Variants in RAD51B observed in about 807,000 individuals in gnomAD.
The protein encoded by RAD51B is DNA repair protein RAD51 homolog 2.
A neutral mutation model predicts 42.2 loss-of-function variants in RAD51B; 38 were observed. The ratio of observed to expected loss-of-function variants is 0.90; its 90% confidence interval spans 0.70 to 1.18. The LOEUF (loss-of-function observed/expected upper bound fraction) is 1.18, where lower values mean the gene tolerates loss of function less well. RAD51B is among the 50% of genes most tolerant of loss of function. The pLI is 0.00. For missense variants in RAD51B, 373 were observed against 400.7 expected (o/e 0.93, Z 0.59); for synonymous variants, 154 against 145.2 (o/e 1.06, Z -0.43).
chr14:68,388,094 A>ATATTT (rs1483952338), intron 8 of RAD51B, among the ~76,000 whole-genome samples: 9 of 118,932 alleles, frequency 7.6e-5, no homozygotes, highest in East Asian at 2.3e-4. Context: ...ATATATATAT[A>ATATTT]TTTTTTTTTT....
At chr14:67,885,699 G>C in intron 5 of RAD51B, 170 bp from the exon 6 acceptor site, 1 of 748,336 alleles carries the variant, frequency 1.3e-6, no homozygotes, top group Non-Finnish European at 1.9e-6. Context: ...ACCTCTGTTA[G>C]TGCTTACAAA....
intron 8 of RAD51B, among the ~76,000 whole-genome samples, chr14:68,296,647 G>A (rs2081619362): frequency 1.3e-5 from 2 of 152,182 alleles, no homozygotes; most frequent in African/African-American, 4.8e-5. Context: ...TTTGACAAAT[G>A]GTAACAGTGA....
chr14:68,278,426 C>G (rs1000469057), intron 7 of RAD51B, among the ~76,000 whole-genome samples: 1 of 152,160 alleles, frequency 6.6e-6, no homozygotes, highest in African/African-American at 2.4e-5. Context: ...CATGGTGTTA[C>G]GATGAGGATG....
chr14:68,601,748 T>TCC (rs999410330), intron 10 of RAD51B, among the ~76,000 whole-genome samples: 2 of 152,044 alleles, frequency 1.3e-5, no homozygotes, highest in African/African-American at 4.8e-5. Flanking sequence ...GCCCACTACC[T>TCC]CCCCTCCCTC....
chr14:68,629,878 C>T (rs548426413), intron 10 of RAD51B, among the ~76,000 whole-genome samples: 2 of 152,366 alleles, frequency 1.3e-5, no homozygotes, highest in East Asian at 3.9e-4. Context: ...CATAGACCAA[C>T]AGTCTAACTT....
At chr14:68,173,650 A>T (rs1293168064) in intron 7 of RAD51B, among the ~76,000 whole-genome samples, 1 of 152,182 alleles carries the variant, frequency 6.6e-6, no homozygotes, top group East Asian at 1.9e-4. Flanking sequence ...TCCTCAGTAG[A>T]GAGAACTTAG....
intron 7 of RAD51B, chr14:68,114,205 C>G (rs1226991076): frequency 6.6e-6 from 1 of 152,094 alleles, no homozygotes; most frequent in Non-Finnish European, 1.5e-5. Flanking sequence ...TAGTGACAGC[C>G]TTCTAGTCCT....
intron 10 of RAD51B, among the ~76,000 whole-genome samples, chr14:68,547,344 G>A (rs1390415931): frequency 1.3e-5 from 2 of 152,116 alleles, no homozygotes; most frequent in East Asian, 1.9e-4. Flanking sequence ...CCTTCCTTCC[G>A]GCCATCCACT....
chr14:68,494,523 G>A (rs1209151254), intron 10 of RAD51B, among the ~76,000 whole-genome samples: 1 of 152,092 alleles, frequency 6.6e-6, no homozygotes, highest in African/African-American at 2.4e-5. Flanking sequence ...CGGTGAACTG[G>A]GGCAGCACCA....
chr14:67,933,487 T>C (rs1482261346), intron 7 of RAD51B, among the ~76,000 whole-genome samples: 2 of 152,126 alleles, frequency 1.3e-5, no homozygotes, highest in African/African-American at 4.8e-5. Flanking sequence ...CCCTTGTGGG[T>C]CTCCAGATCA....
At chr14:68,258,696 G>A (rs1044479428) in intron 7 of RAD51B, among the ~76,000 whole-genome samples, 5 of 152,030 alleles carry the variant, frequency 3.3e-5, no homozygotes, top group African/African-American at 1.2e-4. Context: ...GCCACTCAAG[G>A]ACTTCCCACA....
At chr14:68,285,756 C>T (rs1261968854) in intron 7 of RAD51B, among the ~76,000 whole-genome samples, 1 of 152,136 alleles carries the variant, frequency 6.6e-6, no homozygotes, top group African/African-American at 2.4e-5. Context: ...CGTGAATCCT[C>T]TAGCCCAGCC....
At chr14:68,601,771 A>G (rs561278676) in intron 10 of RAD51B, among the ~76,000 whole-genome samples, 5 of 152,104 alleles carry the variant, frequency 3.3e-5, no homozygotes, top group Middle Eastern at 3.4e-3. Context: ...GTCAAACCCA[A>G]TGGCTTTTCC....
intron 7 of RAD51B, among the ~76,000 whole-genome samples, chr14:67,945,673 G>A (rs1043437029): frequency 1.3e-5 from 2 of 152,070 alleles, no homozygotes; most frequent in East Asian, 1.9e-4. Flanking sequence ...GTTTCGTCAT[G>A]TTGGCCAGGC....
chr14:68,396,419 GATAAA>G lies in RAD51B; in HGVS notation c.854-14999_854-14995del, dbSNP rs1214756889. Among the ~76,000 whole-genome samples the G allele has an allele frequency of 3.9e-5, 6 of 152,086 alleles. No homozygotes were observed. In the South Asian group the frequency reaches 1.0e-3, roughly 26 times the overall value. On this transcript the variant is annotated intron_variant, in intron 8 of 10. Coordinates refer to ENST00000471583, the MANE Select transcript of RAD51B (RefSeq NM_133510.4). ...ATTTTTTCATTGCAGAGTGAACACT[GATAAA>G]ATAAATAATGTAATTATCAGATTAT...
At chr14:67,983,253 G>A (rs1002970079) in intron 7 of RAD51B, among the ~76,000 whole-genome samples, 1 of 151,992 alleles carries the variant, frequency 6.6e-6, no homozygotes, top group Non-Finnish European at 1.5e-5. Context: ...TTAATGTATT[G>A]TGCTTAATTT....
chr14:67,957,298 A>T (rs2140220915), intron 7 of RAD51B, among the ~76,000 whole-genome samples: 1 of 152,302 alleles, frequency 6.6e-6, no homozygotes, highest in Non-Finnish European at 1.5e-5. Context: ...CATTTGAGGG[A>T]CTGAAAGTTG....
chr14:68,646,845 T>G (rs1892573300), intron 10 of RAD51B, among the ~76,000 whole-genome samples: 1 of 152,242 alleles, frequency 6.6e-6, no homozygotes, highest in African/African-American at 2.4e-5. Context: ...CACAATGACT[T>G]GTGATGATAC....
chr14:67,905,891 G>A (rs945180946), intron 7 of RAD51B, among the ~76,000 whole-genome samples: 13 of 151,992 alleles, frequency 8.6e-5, no homozygotes, highest in South Asian at 2.1e-4. Flanking sequence ...TCTGGATGCC[G>A]TTTATTTCTT....
Sources: allele counts gnomAD v4.1 joint callset (sites outside exome capture counted in the v4.1 genomes callset), GRCh38; gene constraint gnomAD v4.1.1; transcripts MANE v1.5; gene names NCBI Gene and HGNC (gene_info 2026-07-23, HGNC 2026-07-21).